The following APOL1 variants were observed in gnomAD, a reference collection of about 807,000 sequenced individuals.
APOL1 encodes apolipoprotein L 1.
Under a neutral mutation model 14.9 loss-of-function variants are expected in APOL1, and 17 were observed. The ratio of observed to expected loss-of-function variants is 1.14; its 90% CI spans 0.78 to 1.71. APOL1 has a LOEUF of 1.71. Ranked by LOEUF, APOL1 falls within the 40% of genes most tolerant of loss-of-function variation. The pLI, the probability that APOL1 is intolerant of heterozygous loss-of-function variation, is 0.00. For synonymous variants in APOL1, 195 were observed against 184.8 expected (o/e 1.05, Z -0.45); for missense variants, 523 against 485.9 (o/e 1.08, Z -0.72).
intron 2 of APOL1, among the ~76,000 whole-genome samples, chr22:36,256,254 C>T (rs552835212): frequency 3.1e-4 from 47 of 152,184 alleles, no homozygotes; most frequent in Non-Finnish European, 5.9e-4. Context: ...TCATATACTG[C>T]TAGTTTGAGT....
Position 36,265,986 on chromosome 22 carries a change from A to T in APOL1, c.1150A>T (p.Ile384Phe), listed in dbSNP as rs373463596. The T allele has an allele frequency of 4.7e-5, 76 of 1,612,730 alleles. No homozygotes were observed. In the African/African-American group the frequency reaches 7.6e-4, roughly 16 times the overall value. The part of the protein sequence containing the change: ...VAQELEEKLN[I>F]LNNNYKILQA... Reference sequence around the variant, plus strand: ...TCAGGAGCTGGAGGAGAAGCTAAACATTCTCAACAATAATTATAAGATTCT... The same window carrying T: ...TCAGGAGCTGGAGGAGAAGCTAAACTTTCTCAACAATAATTATAAGATTCT... The change falls in exon 6 of 6, where the codon ATT becomes TTT. Residue 384 changes from isoleucine (I) to phenylalanine (F), a missense_variant. By Grantham distance (21) the Ile-to-Phe change is conservative (BLOSUM62 0). Transcript: ENST00000397278.
In APOL1 at chr22:36,257,093, C is replaced by T. The variant is rs202025045; in HGVS notation, c.55C>T (p.Leu19Phe). 2 of 1,614,070 alleles carry T rather than the reference C, an allele frequency of 1.2e-6. No individual in the cohort carries two copies. The highest frequency in any genetic ancestry group is 2.7e-5 in the African/African-American group (2 of 74,912). ...VSVLCIWMSA[L>F]FLGVGVRAEE... ...CTCATACCCCAACAGGATGAGTGCACTTTTCCTTGGTGTGGGAGTGAGGGC... is the reference window on the plus strand; with the variant it reads ...CTCATACCCCAACAGGATGAGTGCATTTTTCCTTGGTGTGGGAGTGAGGGC... Residue 19 changes from leucine to phenylalanine, a missense_variant, in exon 3 of 6, where the codon CTT becomes TTT. Physicochemically the swap from Leu to Phe is conservative, Grantham distance 22. Transcript: ENST00000397278.
intron 5 of APOL1, among the ~76,000 whole-genome samples, chr22:36,263,653 A>T (rs1460568756): frequency 6.6e-6 from 1 of 152,254 alleles, no homozygotes; most frequent in Non-Finnish European, 1.5e-5. Flanking sequence ...GACAAAACAC[A>T]TGCGGTGTTG....
chr22:36,265,261 AAG>A lies in APOL1; in HGVS notation c.428_429del (p.Glu143ValfsTer7), dbSNP rs757844522. The A allele has an allele frequency of 2.2e-4, 354 of 1,614,072 alleles. 2 individuals are homozygous for A. In the Admixed American group the frequency reaches 5.8e-3, roughly 27 times the overall value. On this transcript the variant is annotated frameshift_variant, in exon 6 of 6. Transcript: ENST00000397278. LOFTEE classifies it low-confidence loss of function (END_TRUNC). ...CAGCAGTACAGAAACTGGTTTCTGA[AAG>A]AGTTTCCTCGGTTGAAAAGTGAGCT...
intron 5 of APOL1, among the ~76,000 whole-genome samples, chr22:36,262,604 G>A (rs2016112172): frequency 6.6e-6 from 1 of 152,208 alleles, no homozygotes; most frequent in South Asian, 2.1e-4. Context: ...GGGCACCAGG[G>A]CTGGGACTAG....
chr22:36,260,649 AAC>A (rs2016047231), intron 4 of APOL1, among the ~76,000 whole-genome samples: 1 of 152,174 alleles, frequency 6.6e-6, no homozygotes, highest in Non-Finnish European at 1.5e-5. Context: ...TCACTGTTGA[AAC>A]ATGTGTGGGT....
intron 2 of APOL1, among the ~76,000 whole-genome samples, chr22:36,256,603 A>G (rs1461589672): frequency 6.6e-6 from 1 of 152,240 alleles, no homozygotes; most frequent in Non-Finnish European, 1.5e-5. Flanking sequence ...CAGGCTGTCC[A>G]GTGCAGCACC....
At chr22:36,253,509 T>A (rs1186327308) in intron 1 of APOL1, among the ~76,000 whole-genome samples, 4 of 152,112 alleles carry the variant, frequency 2.6e-5, no homozygotes, top group Non-Finnish European at 5.9e-5. Flanking sequence ...GGGGTGCCCA[T>A]CTCTTTGGGA....
In APOL1 at chr22:36,266,179, C is replaced by A; in HGVS notation, c.*146C>A. 1 of 910,508 alleles carries A rather than the reference C, an allele frequency of 1.1e-6. No individual in the cohort carries two copies. Among genetic ancestry groups the A allele is most frequent in the Non-Finnish European group, 1.6e-6 (1 of 622,346 alleles). 56.4% of individuals were successfully genotyped at this position (910,508 alleles called of 1,614,324 possible). On this transcript the variant is annotated 3_prime_UTR_variant, in exon 6 of 6. Transcript: ENST00000397278. ...GATCTCAGCTCACTGCAAGCTCTGC[C>A]TCCCGTGTTCAAGCGATTCTCCTGC... is the stretch of plus-strand genomic sequence containing the variant.
intron 2 of APOL1, among the ~76,000 whole-genome samples, chr22:36,256,470 A>G (rs1442333832): frequency 1.3e-5 from 2 of 152,230 alleles, no homozygotes; most frequent in African/African-American, 4.8e-5. Flanking sequence ...TCAGCTAGGG[A>G]AAGACAGCAG....
chr22:36,262,126 C>G (rs1569534026), intron 5 of APOL1, among the ~76,000 whole-genome samples: 1 of 152,142 alleles, frequency 6.6e-6, no homozygotes, highest in Non-Finnish European at 1.5e-5. Flanking sequence ...GGAAACAGAA[C>G]CAGGGTTAAG....
chr22:36,261,708 T>A lies in APOL1; in HGVS notation c.300T>A (p.Ala100=). ...AGGCCTGGAACGGATTCGTGGCTGC[T>A]GCTGAACTGCCCAGGTAAGCTCCAT... is the stretch of plus-strand genomic sequence containing the variant. The part of the protein sequence containing the change: ...DNEAWNGFVA[A]AELPRNEADE... The change falls in exon 5 of 6, where the codon GCT becomes GCA. Residue 100 remains alanine, a synonymous_variant. Transcript: ENST00000397278. The A allele has an allele frequency of 3.7e-6, 6 of 1,614,010 alleles. No individual in the cohort carries two copies. The highest frequency in any genetic ancestry group is 5.1e-6 in the Non-Finnish European group (6 of 1,179,896).
intron 5 of APOL1, 104 bp downstream of exon 5, chr22:36,261,826 T>A: frequency 7.1e-7 from 1 of 1,400,272 alleles, no homozygotes; most frequent in Non-Finnish European, 9.7e-7. Flanking sequence ...GGCAGCCCCC[T>A]CTGCTGGGCT....
chr22:36,265,555 C>A lies in APOL1; in HGVS notation c.719C>A (p.Ala240Asp), dbSNP rs147973675. Residue 240 changes from alanine (A) to aspartate (D), a missense_variant, in exon 6 of 6, where the codon GCC (alanine) becomes GAC (aspartate). Physicochemically the swap from Ala to Asp is moderately radical, Grantham distance 126. Transcript: ENST00000397278. ...YGKKWWTQAQ[A>D]HDLVIKSLDK... is the part of the protein sequence containing the mutation. ...AAGAAGTGGTGGACACAAGCCCAAGCCCACGACCTGGTCATCAAAAGCCTT... is the reference window on the plus strand; with the variant it reads ...AAGAAGTGGTGGACACAAGCCCAAGACCACGACCTGGTCATCAAAAGCCTT... 17 of 1,603,802 alleles carry A rather than the reference C, an allele frequency of 1.1e-5. No homozygotes were observed. The East Asian group carries it at 3.6e-4, about 34-fold the overall frequency.
chr22:36,259,825 C>A (rs1468866020), intron 4 of APOL1: 1 of 1,304,100 alleles, frequency 7.7e-7, no homozygotes, highest in African/African-American at 1.5e-5. Flanking sequence ...CTGAGAGTGC[C>A]CAAGACCAGC....
At chr22:36,254,487 A>G (rs762083449) in intron 1 of APOL1, among the ~76,000 whole-genome samples, 20 of 152,172 alleles carry the variant, frequency 1.3e-4, no homozygotes, top group Non-Finnish European at 2.5e-4. Context: ...GGATCACTTG[A>G]GCCCAACAGA....
rs745323104 is a variant in APOL1, at chr22:36,266,042, C to T, written c.*9C>T. ...CGGACCAAGAACTGTGACCACAGGG[C>T]AGGGCAGCCACCAGGAGAGATATGC... On this transcript the variant is annotated 3_prime_UTR_variant, in exon 6 of 6. Coordinates refer to ENST00000397278, the MANE Select transcript of APOL1 (RefSeq NM_003661.4). 1 of 1,587,832 alleles carries T rather than the reference C, an allele frequency of 6.3e-7. No homozygotes were observed. The highest frequency in any genetic ancestry group is 1.2e-5 in the South Asian group (1 of 86,486).
At position 36,253,140 on chromosome 22, in the gene APOL1, A is replaced by G; in HGVS notation, c.-99A>G. ...TGGAGGACCTGTCTGGTTATTATACAGACGCATAACTGGAGGTGGGATCCA... is the reference window on the plus strand; with the variant it reads ...TGGAGGACCTGTCTGGTTATTATACGGACGCATAACTGGAGGTGGGATCCA... On this transcript the variant is annotated 5_prime_UTR_variant, in exon 1 of 6. Transcript: ENST00000397278. 4.1e-6 allele frequency: 2 copies of G among 486,750 alleles called. No individual in the cohort carries two copies. The highest frequency in any genetic ancestry group is 8.2e-6 in the Non-Finnish European group (2 of 244,486). 30.2% of individuals were successfully genotyped at this position (486,750 alleles called of 1,614,324 possible). A position where few individuals can be genotyped will look rare whatever the true frequency, so the allele number is the denominator to read the frequency against.
Position 36,266,781 on chromosome 22 carries a change from T to C in APOL1, c.*748T>C. 3.1e-6 allele frequency: 1 copy of C among 318,334 alleles called. No individual in the cohort carries two copies. The highest frequency in any genetic ancestry group is 5.7e-6 in the Non-Finnish European group (1 of 174,606). The allele number at this position is 318,334 out of a possible 1,614,324, so 19.7% of individuals were successfully genotyped here. Reference sequence around the variant, plus strand: ...TTAGCCGGGCATGGTGGCGGGCGCCTGTAGTTCCAGCTAACTGGGCGGCTG... The same window carrying C: ...TTAGCCGGGCATGGTGGCGGGCGCCCGTAGTTCCAGCTAACTGGGCGGCTG... On this transcript the variant is annotated 3_prime_UTR_variant, in exon 6 of 6. Transcript: ENST00000397278.
Sources: gnomAD v4.1 joint callset for allele counts (sites outside exome capture counted in the v4.1 genomes callset) on GRCh38, gnomAD v4.1.1 for gene constraint, MANE v1.5 for transcripts, NCBI Gene and HGNC (gene_info 2026-07-23, HGNC 2026-07-21) for gene names.